Variants in TPM4 observed in about 807,000 individuals in gnomAD.
TPM4 encodes tropomyosin alpha-4 chain.
Under a neutral mutation model 35.8 loss-of-function variants are expected in TPM4, and 17 were observed. The ratio of observed to expected loss-of-function variants is 0.47; its 90% CI spans 0.32 to 0.71. The LOEUF (loss-of-function observed/expected upper bound fraction) is 0.71. Ranked by LOEUF, TPM4 falls within the 30% of genes least tolerant of loss-of-function variation. The pLI, the probability that TPM4 is intolerant of heterozygous loss-of-function variation, is 0.03. For missense variants in TPM4, 240 were observed against 320.9 expected (o/e 0.75, Z 1.93); for synonymous variants, 120 against 122.9 (o/e 0.98, Z 0.15).
Position 16,089,098 on chromosome 19 carries a change from C to G in TPM4, c.509C>G (p.Ser170Cys), listed in dbSNP as rs1228330138. The G allele has an allele frequency of 1.2e-6, 2 of 1,613,748 alleles. No individual in the cohort carries two copies. Among genetic ancestry groups the G allele is most frequent in the Middle Eastern group, 1.7e-4 (1 of 5,872 alleles). ...ELKNVTNNLK[S>C]LEAASEKYSE... is the part of the protein sequence containing the mutation. Reference sequence around the variant, plus strand: ...AAGAATGTTACTAACAATCTGAAATCTCTGGAGGCTGCATCTGAAAAGGTA... The same window carrying G: ...AAGAATGTTACTAACAATCTGAAATGTCTGGAGGCTGCATCTGAAAAGGTA... The change falls in exon 5 of 8, where the codon TCT (serine) becomes TGT (cysteine). Residue 170 changes from serine (S) to cysteine (C), a missense_variant. By Grantham distance (112) the Ser-to-Cys change is moderately radical. Transcript: ENST00000643579.
chr19:16,069,878 G>A (rs1489947852), intron 2 of TPM4, among the ~76,000 whole-genome samples: 1 of 152,010 alleles, frequency 6.6e-6, no homozygotes, highest in Non-Finnish European at 1.5e-5. Flanking sequence ...GAGGGGGGCT[G>A]TGCGAACCTG....
At chr19:16,090,729 G>T (rs146080404) in intron 5 of TPM4, among the ~76,000 whole-genome samples, 76 of 151,850 alleles carry the variant, frequency 5.0e-4, no homozygotes, top group African/African-American at 1.7e-3. Flanking sequence ...TTGCTAGATT[G>T]TAAGTTGTAA....
chr19:16,087,894 G>T lies in TPM4; in HGVS notation c.385-133G>T, dbSNP rs904562401. On this transcript the variant is annotated intron_variant, in intron 3 of 7. Coordinates refer to ENST00000643579, the MANE Select transcript of TPM4 (RefSeq NM_003290.3). ...AGACTCCGTCCCCCTGCAAAAAAAA[G>T]AAACACCAGAAAAACCCATGTTGCA... 1.9e-5 allele frequency: 18 copies of T among 932,748 alleles called. No individual in the cohort carries two copies. In the East Asian group the frequency reaches 4.9e-4, roughly 25 times the overall value. The allele number at this position is 932,748 out of a possible 1,614,324, so 57.8% of individuals were successfully genotyped here.
chr19:16,097,040 G>A lies in TPM4; in HGVS notation c.664+3287G>A, dbSNP rs1158525923. On this transcript the variant is annotated intron_variant, in intron 7 of 7. Coordinates refer to ENST00000643579, the MANE Select transcript of TPM4 (RefSeq NM_003290.3). Reference sequence around the variant, plus strand: ...GCCATCTTGGCTCACTGCAACCTCCGCCTCCTGGGTTCAAGTGATTCTCAT... The same window carrying A: ...GCCATCTTGGCTCACTGCAACCTCCACCTCCTGGGTTCAAGTGATTCTCAT... Among the ~76,000 whole-genome samples, 4 of 133,426 alleles carry A rather than the reference G, an allele frequency of 3.0e-5. No homozygotes were observed. In the East Asian group the frequency reaches 6.8e-4, roughly 23 times the overall value. 87.5% of individuals were successfully genotyped at this position (133,426 alleles called of 152,430 possible). A position where few individuals can be genotyped will look rare whatever the true frequency, so the allele number is the denominator to read the frequency against.
chr19:16,090,594 G>T (rs548766926), intron 5 of TPM4, among the ~76,000 whole-genome samples: 1 of 152,212 alleles, frequency 6.6e-6, no homozygotes, highest in South Asian at 2.1e-4. Context: ...CATCACTTCT[G>T]AGAGTCCTTC....
At chr19:16,078,830 TAAAAAAAA>T (rs55714667) in intron 1 of TPM4, among the ~76,000 whole-genome samples, 1 of 126,406 alleles carries the variant, frequency 7.9e-6, no homozygotes, top group Non-Finnish European at 1.7e-5. Context: ...AGGGGTGGGT[TAAAAAAAA>T]AAAAAAAAAA....
At chr19:16,096,936 C>CTTTTTTTCTTTTTTTTTTTTT (rs2090705707) in intron 7 of TPM4, among the ~76,000 whole-genome samples, 6 of 69,046 alleles carry the variant, frequency 8.7e-5, no homozygotes, top group African/African-American at 3.3e-4. Context: ...CAAGGTCACT[C>CTTTTTTTCTTTTTTTTTTTTT]TTTTTTTTTT....
chr19:16,076,221 C>T, upstream of TPM4: 1 of 1,548,448 alleles, frequency 6.5e-7, no homozygotes, highest in South Asian at 1.2e-5. Flanking sequence ...GGCCGGAGCC[C>T]CGGGGCCGGG....
intron 1 of TPM4, chr19:16,079,609 ACT>A (rs2090456670): frequency 9.0e-6 from 2 of 222,526 alleles, no homozygotes; most frequent in Non-Finnish European, 1.8e-5. Flanking sequence ...AACCTTCCTG[ACT>A]CTATTTGTGT....
chr19:16,086,356 AAGAT>A, intron 2 of TPM4, 63 bp from the exon 3 acceptor site: 1 of 1,400,452 alleles, frequency 7.1e-7, no homozygotes, highest in South Asian at 1.2e-5. Flanking sequence ...TCTGAAAGAA[AAGAT>A]AGATGAGAGG....
upstream of TPM4, among the ~76,000 whole-genome samples, chr19:16,072,806 T>G (rs963442714): frequency 1.4e-4 from 21 of 149,164 alleles, no homozygotes; most frequent in African/African-American, 5.2e-4. Flanking sequence ...ACTAGGGAGG[T>G]TGAGGCAGGA....
chr19:16,074,080 C>CA (rs2090382001), upstream of TPM4, among the ~76,000 whole-genome samples: 1 of 151,002 alleles, frequency 6.6e-6, no homozygotes, highest in Admixed American at 6.6e-5. Context: ...TTTGCACATC[C>CA]ACTCAGGGGT....
upstream of TPM4, chr19:16,074,289 G>A (rs1272812174): frequency 1.3e-5 from 2 of 152,218 alleles, no homozygotes; most frequent in Admixed American, 6.5e-5. Context: ...ACCATAGACT[G>A]GGTAGCTTCA....
At chr19:16,096,788 G>A (rs988126875) in intron 7 of TPM4, among the ~76,000 whole-genome samples, 2 of 152,096 alleles carry the variant, frequency 1.3e-5, no homozygotes, top group African/African-American at 2.4e-5. Context: ...AGAATTGCCT[G>A]AGACTGCTAA....
At chr19:16,093,652 G>A in intron 6 of TPM4, 32 bp from the exon 7 acceptor site, 4 of 1,614,224 alleles carry the variant, frequency 2.5e-6, no homozygotes, top group Non-Finnish European at 3.4e-6. Flanking sequence ...TGGTCTTGAA[G>A]CCATGATAGT....
intron 7 of TPM4, among the ~76,000 whole-genome samples, chr19:16,094,665 TA>T (rs559812776): frequency 1.6e-4 from 23 of 145,738 alleles, no homozygotes; most frequent in Admixed American, 2.7e-4. Flanking sequence ...TCATAGTATT[TA>T]AAAAAAAAAA....
upstream of TPM4, among the ~76,000 whole-genome samples, chr19:16,073,239 A>G (rs191955601): frequency 8.8e-5 from 13 of 146,908 alleles, no homozygotes; most frequent in African/African-American, 3.0e-4. Context: ...TGATGAGTCC[A>G]TGCTGTCAGA....
At chr19:16,073,460 T>A (rs1387861191), upstream of TPM4, among the ~76,000 whole-genome samples, 7 of 152,220 alleles carry the variant, frequency 4.6e-5, no homozygotes, top group Non-Finnish European at 7.3e-5. Flanking sequence ...GAGACCAGCA[T>A]GTCAAGGTTT....
In TPM4 at chr19:16,070,463, C is replaced by T. The variant is rs187656288; in HGVS notation, c.114+2725C>T. Among the ~76,000 whole-genome samples, 311 of 152,306 alleles carry T rather than the reference C, an allele frequency of 2.0e-3. 1 individual carries two copies. Among genetic ancestry groups the T allele is most frequent in the Non-Finnish European group, 3.0e-3 (201 of 68,018 alleles). On this transcript the variant is annotated intron_variant, in intron 2 of 2. Coordinates refer to the TPM4 transcript ENST00000589897. This position sits in a 1 kb window ranked among gnomAD's most constrained non-coding sequence, Gnocchi z 7.4. ...TGGGAGATGCCTAGGACCATGGCAC[C>T]GAGTGCCCAGCCCCACCCAGGCCAG...
Sources: gnomAD v4.1 joint callset for allele counts (sites outside exome capture counted in the v4.1 genomes callset) on GRCh38, gnomAD v4.1.1 for gene constraint, Gnocchi (gnomAD v3.1) non-coding constraint, MANE v1.5 for transcripts, NCBI Gene and HGNC (gene_info 2026-07-23, HGNC 2026-07-21) for gene names.